Variants in MAPK9 observed in about 807,000 individuals in gnomAD.
MAPK9 encodes the protein mitogen-activated protein kinase 9.
MAPK9 carries 30 observed loss-of-function variants against 57.1 expected under a neutral mutation model. The ratio of observed to expected loss-of-function variants is 0.53; its 90% CI spans 0.39 to 0.71. The LOEUF is 0.71. Among genes scored for constraint, MAPK9 ranks in the 30% least tolerant of loss-of-function variants. The pLI is 0.00. For synonymous variants in MAPK9, 155 were observed against 177.0 expected (o/e 0.88, Z 0.99); for missense variants, 362 against 521.0 (o/e 0.69, Z 2.97).
At chr5:180,237,525 A>G (rs1189317100) in intron 11 of MAPK9, 1 of 152,224 alleles carries the variant, frequency 6.6e-6, no homozygotes, top group African/African-American at 2.4e-5. Context: ...GGAAAATGAT[A>G]TCAACAATTT....
At chr5:180,272,455 G>T (rs1448761352) in intron 2 of MAPK9, among the ~76,000 whole-genome samples, 3 of 152,134 alleles carry the variant, frequency 2.0e-5, no homozygotes, top group Non-Finnish European at 4.4e-5. Context: ...TGATTTATCA[G>T]TCATGTTCTC....
Position 180,279,955 on chromosome 5 carries a change from T to C in MAPK9, c.122+485A>G, listed in dbSNP as rs374452406. ...AGCCCAACCCCTCACACAGCATCCC[T>C]TCCTGGTTAATCCATGGAGTGACAA... On this transcript the variant is annotated intron_variant, in intron 2 of 11. Coordinates refer to ENST00000452135, the MANE Select transcript of MAPK9 (RefSeq NM_002752.5). The C allele has an allele frequency of 6.6e-6, 3 of 456,650 alleles. No homozygotes were observed. The East Asian group carries it at 2.1e-4, about 32-fold the overall frequency. The allele number at this position is 456,650 out of a possible 1,614,324, so 28.3% of individuals were successfully genotyped here.
At chr5:180,284,641 A>G (rs541724015) in intron 1 of MAPK9, among the ~76,000 whole-genome samples, 1 of 152,370 alleles carries the variant, frequency 6.6e-6, no homozygotes, top group African/African-American at 2.4e-5. Flanking sequence ...ACAATTCTCT[A>G]AGTGTATCTG....
intron 1 of MAPK9, among the ~76,000 whole-genome samples, chr5:180,291,115 G>C (rs556302625): frequency 9.2e-5 from 14 of 152,232 alleles, no homozygotes; most frequent in African/African-American, 3.4e-4. Flanking sequence ...CTCCAAAGAC[G>C]GGGAAACAGC....
At chr5:180,255,630 G>A (rs924170712) in intron 5 of MAPK9, among the ~76,000 whole-genome samples, 15 of 152,018 alleles carry the variant, frequency 9.9e-5, no homozygotes, top group Non-Finnish European at 1.8e-4. Context: ...AAAGGTGAAA[G>A]GGGAAGGTCT....
intron 1 of MAPK9, among the ~76,000 whole-genome samples, chr5:180,288,828 A>C (rs532330269): frequency 1.3e-5 from 2 of 152,368 alleles, no homozygotes; most frequent in South Asian, 4.1e-4. Context: ...TAAGGGTGCA[A>C]GTGGATACCA....
In MAPK9 at chr5:180,247,645, A is replaced by G; in HGVS notation, c.617-135T>C. 1.0e-6 allele frequency: 1 copy of G among 958,928 alleles called. No homozygotes were observed. 59.4% of individuals were successfully genotyped at this position (958,928 alleles called of 1,614,324 possible). ...CTAGCTAAGGGTGACATTTTACACAATATGAATGATTGCTGACCTCTATTT... is the reference window on the plus strand; with the variant it reads ...CTAGCTAAGGGTGACATTTTACACAGTATGAATGATTGCTGACCTCTATTT... On this transcript the variant is annotated intron_variant, in intron 6 of 11. Transcript: ENST00000452135. This position sits in a 1 kb window ranked among gnomAD's most constrained non-coding sequence, Gnocchi z 4.5.
chr5:180,236,582 C>T (rs900385979), intron 11 of MAPK9, 56 bp from the exon 12 acceptor site: 40 of 1,583,628 alleles, frequency 2.5e-5, no homozygotes, highest in Non-Finnish European at 3.1e-5. Context: ...GCTGCAAATC[C>T]AGGCAGCGAG....
intron 1 of MAPK9, among the ~76,000 whole-genome samples, chr5:180,291,613 G>C (rs912954627): frequency 6.6e-6 from 1 of 151,994 alleles, no homozygotes; most frequent in Non-Finnish European, 1.5e-5. Context: ...CAGACCCCAC[G>C]GGCAGGTCGG....
chr5:180,284,313 C>A (rs1351991860), intron 1 of MAPK9, among the ~76,000 whole-genome samples: 1 of 152,254 alleles, frequency 6.6e-6, no homozygotes, highest in East Asian at 1.9e-4. Context: ...TGTGCTGCCA[C>A]CATCCGTCCA....
chr5:180,268,025 C>G (rs528403627), intron 3 of MAPK9, among the ~76,000 whole-genome samples: 2 of 152,102 alleles, frequency 1.3e-5, no homozygotes, highest in Admixed American at 1.3e-4. Context: ...GGGGTTTCAC[C>G]ATGTTAGCCA....
intron 5 of MAPK9, among the ~76,000 whole-genome samples, chr5:180,260,511 G>C (rs1030036903): frequency 6.6e-6 from 1 of 152,102 alleles, no homozygotes; most frequent in Non-Finnish European, 1.5e-5. Flanking sequence ...GTTTGTCAGT[G>C]GCTCATTTCT....
intron 5 of MAPK9, chr5:180,258,264 T>A (rs916358462): frequency 1.3e-5 from 2 of 152,238 alleles, no homozygotes; most frequent in Non-Finnish European, 2.9e-5. Flanking sequence ...GACATTCTGG[T>A]TACCTTCATA....
At chr5:180,246,334 T>G (rs1758097147) in intron 7 of MAPK9, 1 of 152,168 alleles carries the variant, frequency 6.6e-6, no homozygotes, top group Non-Finnish European at 1.5e-5. Context: ...ATAAAATAAC[T>G]TGACATATTA....
chr5:180,238,596 TTTCTTC>T (rs201761001), intron 10 of MAPK9, among the ~76,000 whole-genome samples, 193 bp from the exon 11 acceptor site: 31 of 138,532 alleles, frequency 2.2e-4, no homozygotes, highest in Admixed American at 8.0e-4. Flanking sequence ...TATCTTTTCT[TTTCTTC>T]TTCTTCTTTT....
intron 3 of MAPK9, among the ~76,000 whole-genome samples, chr5:180,265,695 A>G (rs1760467044): frequency 1.3e-5 from 2 of 152,236 alleles, no homozygotes; most frequent in African/African-American, 2.4e-5. Context: ...ACCAGTACAC[A>G]GCCCATGGTG....
chr5:180,267,781 C>T (rs1461180285), intron 3 of MAPK9, among the ~76,000 whole-genome samples: 1 of 151,650 alleles, frequency 6.6e-6, no homozygotes, highest in Non-Finnish European at 1.5e-5. Flanking sequence ...GGGAGAATCA[C>T]AACCTGGGTG....
At chr5:180,251,141 C>T (rs570752109) in intron 5 of MAPK9, among the ~76,000 whole-genome samples, 5 of 152,084 alleles carry the variant, frequency 3.3e-5, no homozygotes, top group Admixed American at 2.6e-4. Context: ...TCGGTGCTGG[C>T]GGGAGAAGCA....
rs752748179 is a variant in MAPK9, at chr5:180,261,671, C to A, written c.450+13G>T. 1.3e-5 allele frequency: 21 copies of A among 1,584,390 alleles called. No homozygotes were observed. The highest frequency in any genetic ancestry group is 1.7e-6 in the Non-Finnish European group (2 of 1,167,004). ...ATTGTTTTTAAAAATAAAATTAATA[C>A]ATCACCACTTACTCTATGAATTATA... On this transcript the variant is annotated intron_variant, in intron 5 of 11. Transcript: ENST00000452135.
Sources: allele counts gnomAD v4.1 joint callset (sites outside exome capture counted in the v4.1 genomes callset), GRCh38; gene constraint gnomAD v4.1.1; non-coding constraint Gnocchi (gnomAD v3.1); transcripts MANE v1.5; gene names NCBI Gene and HGNC (gene_info 2026-07-23, HGNC 2026-07-21).